BRCC3: variants seen among roughly 807,000 people sequenced by gnomAD.
BRCC3 encodes lys-63-specific deubiquitinase BRCC36.
A neutral mutation model predicts 28.0 loss-of-function variants in BRCC3; 15 were observed. The ratio of observed to expected loss-of-function variants is 0.54; its 90% confidence interval spans 0.36 to 0.82. BRCC3 has a LOEUF of 0.82. Among genes scored for constraint, BRCC3 ranks in the 40% least tolerant of loss-of-function variants. BRCC3 has a pLI of 0.01. For synonymous variants in BRCC3, 66 were observed against 80.3 expected (o/e 0.82, Z 0.95); for missense variants, 109 against 225.9 (o/e 0.48, Z 3.32).
At chrX:155,073,574 G>A (rs2074005628) in intron 3 of BRCC3, 143 bp downstream of exon 3, 1 of 700,031 alleles carries the variant, frequency 1.4e-6, no homozygotes, top group Non-Finnish European at 2.1e-6. Context: ...CTACTCACTA[G>A]GAATGGGACC....
chrX:155,072,455 T>C, intron 2 of BRCC3, 112 bp downstream of exon 2: 1 of 574,224 alleles, frequency 1.7e-6, no homozygotes. Flanking sequence ...TTAATTACCA[T>C]TATCACTCCG....
chrX:155,099,399 C>CA, intron 7 of BRCC3: 3 of 1,204,912 alleles, frequency 2.5e-6, no homozygotes, highest in South Asian at 3.6e-5. Flanking sequence ...GGTAGGAGGG[C>CA]AAAAAGGGGC....
Position 155,078,623 on chromosome X carries a change from C to T in BRCC3, c.323C>T (p.Ala108Val). The stretch of plus-strand genomic sequence containing the variant: ...GTACCTTGACAGACACACAGGTTGG[C>T]TGAACTGACAGGCCGCCCCATGAGA... ...SAASTEAERL[A>V]ELTGRPMRVV... is the part of the protein sequence containing the mutation. The change falls in exon 5 of 11, where the codon GCT becomes GTT. Residue 108 changes from alanine (A) to valine (V), a missense_variant. Around this residue, in one of 3 missense-constraint regions of BRCC3, gnomAD observed 58 missense variants for 92.8 expected, o/e 0.63. Coordinates refer to ENST00000330045, the MANE Select transcript of BRCC3 (RefSeq NM_001018055.3). 1 of 1,196,548 alleles carries T rather than the reference C, an allele frequency of 8.4e-7. No individual in the cohort carries two copies. Among genetic ancestry groups the T allele is most frequent in the Non-Finnish European group, 1.1e-6 (1 of 886,463 alleles).
intron 7 of BRCC3, among the ~76,000 whole-genome samples, chrX:155,093,689 C>G (rs782399929): frequency 5.6e-5 from 6 of 107,959 alleles, no homozygotes; most frequent in Non-Finnish European, 1.2e-4. Context: ...CTTCCTTTTC[C>G]CCCTAAGTTA....
chrX:155,108,620 A>C (rs868968116), intron 7 of BRCC3, among the ~76,000 whole-genome samples: 29 of 112,059 alleles, frequency 2.6e-4, no homozygotes, highest in African/African-American at 9.1e-4. Context: ...TTGTGGTTTT[A>C]ATTTGGATTT....
intron 7 of BRCC3, among the ~76,000 whole-genome samples, chrX:155,107,320 AT>A (rs201256638): frequency 0.021 from 2,168 of 104,365 alleles, 38 homozygotes; most frequent in East Asian, 0.14. Flanking sequence ...ATTTTTATTT[AT>A]TTTTTTTTTT....
chrX:155,089,916 A>G (rs1163501630), intron 6 of BRCC3, among the ~76,000 whole-genome samples: 2 of 111,921 alleles, frequency 1.8e-5, no homozygotes, highest in Non-Finnish European at 3.8e-5. Flanking sequence ...GAAACCTGTT[A>G]GGAAGATATT....
intron 7 of BRCC3, among the ~76,000 whole-genome samples, chrX:155,111,418 A>C (rs1290881383): frequency 3.6e-5 from 4 of 111,981 alleles, no homozygotes; most frequent in African/African-American, 1.3e-4. Flanking sequence ...TAGACATATA[A>C]ATCAGTGGAA....
Position 155,071,594 on chromosome X carries a change from C to G in BRCC3, c.67C>G (p.Leu23Val). Residue 23 changes from leucine (L) to valine (V), a missense_variant, in exon 1 of 11, where the codon CTC becomes GTC. Around this residue, in one of 3 missense-constraint regions of BRCC3, gnomAD observed 58 missense variants for 92.8 expected, o/e 0.63. Coordinates refer to ENST00000330045, the MANE Select transcript of BRCC3 (RefSeq NM_001018055.3). ...HLESDAFLVC[L>V]NHALSTEKEE... ...CGAGTCTGACGCTTTCCTCGTTTGT[C>G]TCAACCACGCTCTGAGCACAGAGAA... The G allele has an allele frequency of 8.3e-7, 1 of 1,210,094 alleles. No homozygotes were observed. The highest frequency in any genetic ancestry group is 1.1e-6 in the Non-Finnish European group (1 of 894,517).
intron 9 of BRCC3, among the ~76,000 whole-genome samples, chrX:155,118,502 A>C (rs1325983901): frequency 3.6e-5 from 4 of 111,993 alleles, no homozygotes; most frequent in African/African-American, 1.3e-4. Context: ...GTCTTAGTTC[A>C]TTTTGTGTTG....
In BRCC3 at chrX:155,075,297, GC is replaced by G. The variant is rs1569560419; in HGVS notation, c.195+1869del. ...AATGCTAAGCCCACTCTTTCCCCTG[GC>G]CCTTCTTGTTCTTCCCCACACTAAA... On this transcript the variant is annotated intron_variant, in intron 3 of 10. Transcript: ENST00000330045. 3.1e-3 allele frequency among the ~76,000 whole-genome samples: 166 copies of G among 53,664 alleles called. 1 individual carries two copies. The African/African-American group carries it at 0.059, about 19-fold the overall frequency. 46.6% of individuals were successfully genotyped at this position (53,664 alleles called of 115,157 possible). A position where few individuals can be genotyped will look rare whatever the true frequency, so the allele number is the denominator to read the frequency against.
rs782444800 is a variant in BRCC3, at chrX:155,073,987, C to CA, written c.195+564dup. ...CACAGACCGATGCTTTTGTAAAATA[C>CA]AAAAAAAATGAATTACTTCCCCTCC... On this transcript the variant is annotated intron_variant, in intron 3 of 10. Coordinates refer to ENST00000330045, the MANE Select transcript of BRCC3 (RefSeq NM_001018055.3). Among the ~76,000 whole-genome samples, 13 of 111,007 alleles carry CA rather than the reference C, an allele frequency of 1.2e-4. 1 individual carries two copies. The South Asian group carries it at 4.2e-3, about 36-fold the overall frequency.
chrX:155,081,199 C>T (rs1373062307), intron 5 of BRCC3, among the ~76,000 whole-genome samples: 2 of 109,928 alleles, frequency 1.8e-5, no homozygotes, highest in Non-Finnish European at 3.8e-5. Flanking sequence ...GGCATGGTGG[C>T]GGGTGCCTGT....
At chrX:155,103,355 G>C (rs1439947405) in intron 7 of BRCC3, among the ~76,000 whole-genome samples, 1 of 112,113 alleles carries the variant, frequency 8.9e-6, no homozygotes, top group Non-Finnish European at 1.9e-5. Context: ...GTCTTGTAGT[G>C]TAGCTCTGCC....
chrX:155,115,628 C>G (rs1202570772), intron 7 of BRCC3, among the ~76,000 whole-genome samples: 1 of 112,341 alleles, frequency 8.9e-6, no homozygotes, highest in East Asian at 2.8e-4. Context: ...GTGAGTAATC[C>G]CACCTACATA....
At chrX:155,099,522 C>T in intron 7 of BRCC3, 3 of 913,280 alleles carry the variant, frequency 3.3e-6, no homozygotes, top group South Asian at 6.0e-5. Flanking sequence ...CCTAAGCTGC[C>T]AAGGAGACTA....
At chrX:155,116,299 T>C in intron 8 of BRCC3, 111 bp downstream of exon 8, 1 of 731,133 alleles carries the variant, frequency 1.4e-6, no homozygotes, top group South Asian at 3.4e-5. Flanking sequence ...TCTTTTTGCC[T>C]CTCTGGGAAG....
chrX:155,120,537 A>G (rs1262559897), intron 10 of BRCC3, among the ~76,000 whole-genome samples: 1 of 111,949 alleles, frequency 8.9e-6, no homozygotes, highest in Non-Finnish European at 1.9e-5. Context: ...TTATGTTTCA[A>G]TTTTGTAGGT....
At chrX:155,100,670 A>C (rs782092190) in intron 7 of BRCC3, among the ~76,000 whole-genome samples, 67 of 111,985 alleles carry the variant, frequency 6.0e-4, no homozygotes, top group African/African-American at 2.0e-3. Flanking sequence ...ATTACTGGTG[A>C]TTTTAACTTT....
Sources: gnomAD v4.1 joint callset for allele counts (sites outside exome capture counted in the v4.1 genomes callset) on GRCh38, gnomAD v4.1.1 for gene constraint, gnomAD v4.1.1 regional missense constraint, MANE v1.5 for transcripts, NCBI Gene and HGNC (gene_info 2026-07-23, HGNC 2026-07-21) for gene names.